The following UQCC1 variants were observed in gnomAD, a reference collection of about 807,000 sequenced individuals.
UQCC1 encodes bFGF-repressed Zic-binding protein.
In UQCC1, 38 loss-of-function variants were observed where a neutral mutation model predicts 48.0. That is an observed-to-expected ratio of 0.79 (90% CI 0.61 to 1.04). UQCC1 has a LOEUF of 1.04. Among genes scored for constraint, UQCC1 ranks in the 50% least tolerant of loss-of-function variants. The pLI is 0.00. For synonymous variants in UQCC1, 111 were observed against 129.2 expected (o/e 0.86, Z 0.95); for missense variants, 368 against 381.8 (o/e 0.96, Z 0.30).
At chr20:35,348,635 C>T (rs749937897) in intron 6 of UQCC1, among the ~76,000 whole-genome samples, 7 of 151,644 alleles carry the variant, frequency 4.6e-5, no homozygotes, top group Admixed American at 2.0e-4. Context: ...GTGATCCACC[C>T]GCCTCAGCCT....
chr20:35,403,904 C>T (rs2062206186), intron 1 of UQCC1, among the ~76,000 whole-genome samples: 2 of 152,034 alleles, frequency 1.3e-5, no homozygotes, highest in Non-Finnish European at 2.9e-5. Context: ...CACACCAGGG[C>T]CTGTCGTGGG....
chr20:35,410,329 C>T (rs1038839654), intron 1 of UQCC1, among the ~76,000 whole-genome samples: 1 of 151,472 alleles, frequency 6.6e-6, no homozygotes, highest in African/African-American at 2.4e-5. Context: ...GTCAGGAGTT[C>T]GAGACCAGTC....
At chr20:35,348,921 T>A (rs2061460563) in intron 6 of UQCC1, among the ~76,000 whole-genome samples, 1 of 152,178 alleles carries the variant, frequency 6.6e-6, no homozygotes, top group African/African-American at 2.4e-5. Flanking sequence ...TCCCGAAGTG[T>A]GGGGATTACA....
At chr20:35,358,650 C>G (rs962324046) in intron 6 of UQCC1, among the ~76,000 whole-genome samples, 7 of 152,066 alleles carry the variant, frequency 4.6e-5, no homozygotes, top group African/African-American at 1.7e-4. Flanking sequence ...ATCTCTGCCT[C>G]CCGGGTTCAA....
intron 4 of UQCC1, among the ~76,000 whole-genome samples, chr20:35,375,969 A>G (rs76241515): frequency 6.4e-5 from 8 of 125,380 alleles, no homozygotes; most frequent in Non-Finnish European, 3.4e-5. Context: ...AAAAAAAAAA[A>G]GGAAAATTGA....
intron 7 of UQCC1, among the ~76,000 whole-genome samples, chr20:35,317,097 G>A (rs2061069557): frequency 6.6e-6 from 1 of 150,810 alleles, no homozygotes. Flanking sequence ...CACCACACCT[G>A]GCTAATTTTT....
chr20:35,309,005 G>A (rs754659545), intron 8 of UQCC1, among the ~76,000 whole-genome samples: 2 of 152,150 alleles, frequency 1.3e-5, no homozygotes, highest in Non-Finnish European at 2.9e-5. Flanking sequence ...GTGAGCCACC[G>A]CACCTGGCCT....
Position 35,320,863 on chromosome 20 carries a change from A to G in UQCC1, c.574-6098T>C, listed in dbSNP as rs565760708. On this transcript the variant is annotated intron_variant, in intron 7 of 9. Transcript: ENST00000374385. ...AATGAATGAATGACAAAGGACAGCT[A>G]GAGTTGCTGGCTGAAGCCTAAGGAC... 5.9e-5 allele frequency among the ~76,000 whole-genome samples: 9 copies of G among 152,376 alleles called. 1 individual carries two copies. The East Asian group carries it at 1.7e-3, about 29-fold the overall frequency.
intron 1 of UQCC1, among the ~76,000 whole-genome samples, chr20:35,402,768 G>C (rs1477883506): frequency 6.8e-6 from 1 of 148,100 alleles, no homozygotes; most frequent in Non-Finnish European, 1.5e-5. Flanking sequence ...ACTCCAGCCT[G>C]GGTGACAGAG....
chr20:35,348,445 AGTGGCGCCATCTCGGCT>A (rs1207968263), intron 6 of UQCC1, among the ~76,000 whole-genome samples: 3 of 152,144 alleles, frequency 2.0e-5, no homozygotes, highest in African/African-American at 7.2e-5. Context: ...GCTGGAGTGC[AGTGGCGCCATCTCGGCT>A]CACTACAAGC....
chr20:35,370,317 G>A (rs2061716633), intron 5 of UQCC1, among the ~76,000 whole-genome samples: 2 of 151,568 alleles, frequency 1.3e-5, no homozygotes, highest in South Asian at 4.2e-4. Flanking sequence ...AAACTGCTGG[G>A]ATTACACGTG....
At chr20:35,322,916 C>T (rs552854960) in intron 7 of UQCC1, among the ~76,000 whole-genome samples, 4 of 151,898 alleles carry the variant, frequency 2.6e-5, no homozygotes, top group South Asian at 2.1e-4. Flanking sequence ...GGGACCATCT[C>T]GGCTCACTGC....
intron 4 of UQCC1, among the ~76,000 whole-genome samples, chr20:35,381,145 A>T (rs2061861930): frequency 6.6e-6 from 1 of 152,210 alleles, no homozygotes; most frequent in East Asian, 1.9e-4. Context: ...TACTATTATA[A>T]CAGATAATGT....
intron 2 of UQCC1, chr20:35,392,264 T>C (rs1203247145): frequency 1.5e-6 from 2 of 1,304,364 alleles, no homozygotes; most frequent in Non-Finnish European, 2.0e-6. Flanking sequence ...AGCAGAAGTT[T>C]CCAACCAGGG....
In UQCC1 at chr20:35,405,301, AAAG is replaced by A. The variant is rs537119364; in HGVS notation, c.24+6636_24+6638del. Among the ~76,000 whole-genome samples, 1,009 of 152,334 alleles carry A rather than the reference AAAG, an allele frequency of 6.6e-3. 14 individuals carry two copies. The highest frequency in any genetic ancestry group is 0.023 in the African/African-American group (965 of 41,572). The stretch of plus-strand genomic sequence containing the variant: ...AGAGACTTCAGTAGCCACAAACAAC[AAAG>A]AATACAGACTACAGAATCAATTCAG... On this transcript the variant is annotated intron_variant, in intron 1 of 9. Coordinates refer to ENST00000374385, the MANE Select transcript of UQCC1 (RefSeq NM_018244.5).
chr20:35,314,546 G>A, intron 8 of UQCC1, 142 bp downstream of exon 8: 1 of 573,338 alleles, frequency 1.7e-6, no homozygotes, highest in Non-Finnish European at 3.0e-6. Flanking sequence ...TCGCTGCCCA[G>A]TTGATGAATA....
At chr20:35,366,481 C>A (rs979149218) in intron 6 of UQCC1, 76 bp downstream of exon 6, 1 of 1,321,054 alleles carries the variant, frequency 7.6e-7, no homozygotes. Context: ...AATCAGCCCT[C>A]CTGAAGGCTA....
intron 7 of UQCC1, among the ~76,000 whole-genome samples, chr20:35,317,488 A>T (rs1437960577): frequency 6.6e-6 from 1 of 152,250 alleles, no homozygotes; most frequent in Non-Finnish European, 1.5e-5. Flanking sequence ...GACTGGATGT[A>T]ACTAGGAGTG....
chr20:35,373,796 A>G (rs1469581938), intron 5 of UQCC1, among the ~76,000 whole-genome samples: 1 of 152,140 alleles, frequency 6.6e-6, no homozygotes, highest in Non-Finnish European at 1.5e-5. Context: ...AGATAATGTC[A>G]AAGTACAGTT....
Sources: allele counts gnomAD v4.1 joint callset (sites outside exome capture counted in the v4.1 genomes callset), GRCh38; gene constraint gnomAD v4.1.1; transcripts MANE v1.5; gene names NCBI Gene and HGNC (gene_info 2026-07-23, HGNC 2026-07-21).